BPIFB4: variants seen among roughly 807,000 people sequenced by gnomAD.
The protein encoded by BPIFB4 is BPI fold-containing family B member 4.
Under a neutral mutation model 69.2 loss-of-function variants are expected in BPIFB4, and 62 were observed. That is an observed-to-expected ratio of 0.90 (90% CI 0.73 to 1.11). BPIFB4 has a LOEUF of 1.11. Among genes scored for constraint, BPIFB4 ranks in the 50% least tolerant of loss-of-function variants. The pLI is 0.00. For missense variants in BPIFB4, 789 were observed against 792.0 expected (o/e 1.00, Z 0.04); for synonymous variants, 330 against 332.7 (o/e 0.99, Z 0.09).
intron 13 of BPIFB4, among the ~76,000 whole-genome samples, chr20:33,099,962 T>A (rs549091514): frequency 1.3e-5 from 2 of 152,170 alleles, no homozygotes; most frequent in South Asian, 4.2e-4. Context: ...GCCTTTTATA[T>A]CCTCTCCTGG....
At position 33,091,861 on chromosome 20, in the gene BPIFB4, T is replaced by C. The variant is rs575809749; in HGVS notation, c.1144-597T>C. On this transcript the variant is annotated intron_variant, in intron 10 of 17. Coordinates refer to ENST00000375483, the MANE Select transcript of BPIFB4 (RefSeq NM_182519.3). ...TCAAGGATCCGAGGCTATCAGAGCC[T>C]AAAGCAGGGGGTGTATGATCCACCC... 1.2e-4 allele frequency among the ~76,000 whole-genome samples: 19 copies of C among 152,314 alleles called. 1 individual carries two copies. The South Asian group carries it at 2.1e-3, about 17-fold the overall frequency.
intron 10 of BPIFB4, among the ~76,000 whole-genome samples, chr20:33,092,014 G>T (rs1424956286): frequency 6.6e-6 from 1 of 152,198 alleles, no homozygotes; most frequent in Non-Finnish European, 1.5e-5. Context: ...GGTGGGGGTA[G>T]TGGTGTTGTG....
chr20:33,099,997 C>T (rs1354906704), intron 13 of BPIFB4, among the ~76,000 whole-genome samples: 2 of 152,022 alleles, frequency 1.3e-5, no homozygotes, highest in African/African-American at 2.4e-5. Context: ...TGATTGGCAG[C>T]GGTGATGCCC....
At position 33,086,139 on chromosome 20, in the gene BPIFB4, G is replaced by A. The variant is rs756173199; in HGVS notation, c.901G>A (p.Gly301Ser). 6.2e-7 allele frequency: 1 copy of A among 1,607,992 alleles called. No individual in the cohort carries two copies. Among genetic ancestry groups the A allele is most frequent in the Admixed American group, 1.7e-5 (1 of 59,912 alleles). ...VIERCDTLLG[G>S]IKVKLLRGLL... Reference sequence around the variant, plus strand: ...TGAGCGATGTGACACCCTCCTAGGGGGCATCAAAGTCAAGCTGCTGCGAGG... The same window carrying A: ...TGAGCGATGTGACACCCTCCTAGGGAGCATCAAAGTCAAGCTGCTGCGAGG... The change falls in exon 7 of 18, where the codon GGC becomes AGC. Residue 301 changes from glycine to serine, a missense_variant. This residue lies in a region of BPIFB4 where 611 missense variants were observed against 575.4 expected (regional missense o/e 1.06). Coordinates refer to ENST00000375483, the MANE Select transcript of BPIFB4 (RefSeq NM_182519.3).
chr20:33,082,936 A>G lies in BPIFB4; in HGVS notation c.107-2A>G. On this transcript the variant is annotated splice_acceptor_variant, in intron 3 of 17. Coordinates refer to ENST00000375483, the MANE Select transcript of BPIFB4 (RefSeq NM_182519.3). LOFTEE classifies it high-confidence loss of function. ...TGGACTGATGCCCTTGCCTCTCTGC[A>G]GCCATTTCAGGCATGCTGCAGCAAA... 6.2e-7 allele frequency: 1 copy of G among 1,613,104 alleles called. No individual in the cohort carries two copies. The highest frequency in any genetic ancestry group is 8.5e-7 in the Non-Finnish European group (1 of 1,179,294).
chr20:33,090,658 G>A, intron 9 of BPIFB4, 50 bp from the exon 10 acceptor site: 1 of 1,606,332 alleles, frequency 6.2e-7, no homozygotes, highest in South Asian at 1.1e-5. Context: ...AGGAGGGAAG[G>A]CATCTGGATG....
intron 15 of BPIFB4, 62 bp from the exon 16 acceptor site, chr20:33,104,748 A>G: frequency 6.5e-7 from 1 of 1,527,778 alleles, no homozygotes; most frequent in Non-Finnish European, 9.0e-7. Flanking sequence ...AGCAGACCCA[A>G]GGGGCCCTCT....
chr20:33,091,883 A>C (rs1981610467), intron 10 of BPIFB4, among the ~76,000 whole-genome samples: 1 of 152,224 alleles, frequency 6.6e-6, no homozygotes, highest in Admixed American at 6.5e-5. Flanking sequence ...TGTATGATCC[A>C]CCCAGGGAAG....
intron 7 of BPIFB4, among the ~76,000 whole-genome samples, 171 bp from the exon 8 acceptor site, chr20:33,088,795 G>C (rs1981509626): frequency 6.6e-6 from 1 of 152,214 alleles, no homozygotes; most frequent in African/African-American, 2.4e-5. Flanking sequence ...TGGGTGGCCT[G>C]TCTAGTCAGT....
At position 33,083,010 on chromosome 20, in the gene BPIFB4, G is replaced by T. The variant is rs111680890; in HGVS notation, c.169+10G>T. On this transcript the variant is annotated intron_variant, in intron 4 of 17. Coordinates refer to ENST00000375483, the MANE Select transcript of BPIFB4 (RefSeq NM_182519.3). ...AGAGAGGTGCCCTTGGGTAAAGCCC[G>T]TGGTGATGGTGGTGGGCCTCTCCTG... The T allele has an allele frequency of 6.2e-7, 1 of 1,607,232 alleles. No homozygotes were observed. Among genetic ancestry groups the T allele is most frequent in the African/African-American group, 1.4e-5 (1 of 73,788 alleles).
At position 33,083,592 on chromosome 20, in the gene BPIFB4, G is replaced by A. The variant is rs148145671; in HGVS notation, c.395G>A (p.Gly132Asp). ...CGCAGTGCCGAGAATGCATATGGAG[G>A]CCACAGGGGCCTCGGGCGATACAGG... ...GYRSAENAYGGHRGLGRYRAA... is the reference protein window; with the variant it reads ...GYRSAENAYGDHRGLGRYRAA... The change falls in exon 5 of 18, where the codon GGC (glycine) becomes GAC (aspartate). Residue 132 changes from glycine to aspartate, a missense_variant. Physicochemically the swap from Gly to Asp is moderately conservative, Grantham distance 94. This residue lies in a region of BPIFB4 where 611 missense variants were observed against 575.4 expected (regional missense o/e 1.06). Coordinates refer to ENST00000375483, the MANE Select transcript of BPIFB4 (RefSeq NM_182519.3). The A allele has an allele frequency of 1.9e-4, 308 of 1,614,044 alleles. 1 individual carries two copies. The African/African-American group carries it at 3.7e-3, about 19-fold the overall frequency.
chr20:33,084,895 G>C lies in BPIFB4; in HGVS notation c.681G>C (p.Leu227=). Residue 227 remains leucine, a synonymous_variant, in exon 6 of 18, where the codon CTG becomes CTC. Coordinates refer to ENST00000375483, the MANE Select transcript of BPIFB4 (RefSeq NM_182519.3). ...CACCACTCTGTGTCCCGAGCAGGCT[G>C]CGTATCGTGGAGCTGACCCTCCCTC... is the stretch of plus-strand genomic sequence containing the variant. ...ILSTVQGITG[L]RIVELTLPRV... The C allele has an allele frequency of 6.2e-7, 1 of 1,607,204 alleles. No individual in the cohort carries two copies. The highest frequency in any genetic ancestry group is 1.1e-5 in the South Asian group (1 of 91,006).
chr20:33,093,270 C>T (rs958084133), intron 11 of BPIFB4, among the ~76,000 whole-genome samples: 2 of 151,422 alleles, frequency 1.3e-5, no homozygotes, highest in African/African-American at 4.9e-5. Flanking sequence ...CATTCATCCA[C>T]CCATACATCC....
intron 4 of BPIFB4, 44 bp from the exon 5 acceptor site, chr20:33,083,323 C>G: frequency 6.4e-7 from 1 of 1,573,948 alleles, no homozygotes; most frequent in Non-Finnish European, 8.7e-7. Context: ...TGGGTGGTGG[C>G]CGACACCATT....
intron 6 of BPIFB4, among the ~76,000 whole-genome samples, chr20:33,085,232 A>G (rs184912497): frequency 6.6e-6 from 1 of 152,126 alleles, no homozygotes; most frequent in African/African-American, 2.4e-5. Context: ...AGGCAGGCAG[A>G]TCATCTGAGG....
rs1981329908 is a variant in BPIFB4 at position 33,083,773 on chromosome 20, CG to C, written c.578del (p.Gly193GlufsTer40). 6.2e-7 allele frequency: 1 copy of C among 1,613,634 alleles called. No homozygotes were observed. Among genetic ancestry groups the C allele is most frequent in the Non-Finnish European group, 8.5e-7 (1 of 1,179,894 alleles). On this transcript the variant is annotated frameshift_variant, in exon 5 of 18. Coordinates refer to ENST00000375483, the MANE Select transcript of BPIFB4 (RefSeq NM_182519.3). LOFTEE classifies it high-confidence loss of function. ...ILAGQGGLLG[G>X]GGLLGDGGLL... Reference sequence around the variant, plus strand: ...TCGCAGGCCAAGGTGGCCTGCTCGGCGGAGGTGGTCTCCTTGGTGATGGAGG... The same window carrying C: ...TCGCAGGCCAAGGTGGCCTGCTCGGCGAGGTGGTCTCCTTGGTGATGGAGG...
At chr20:33,080,154 A>G (rs1172907631) in intron 1 of BPIFB4, among the ~76,000 whole-genome samples, 3 of 151,752 alleles carry the variant, frequency 2.0e-5, no homozygotes, top group Non-Finnish European at 4.4e-5. Flanking sequence ...TGCCTCTAAT[A>G]TTCTTCTGGG....
At chr20:33,093,032 C>T (rs544176453) in intron 11 of BPIFB4, among the ~76,000 whole-genome samples, 2 of 152,242 alleles carry the variant, frequency 1.3e-5, no homozygotes, top group South Asian at 4.2e-4. Flanking sequence ...TGACACATAA[C>T]AAAATATCAC....
At chr20:33,085,558 G>C (rs972828772) in intron 6 of BPIFB4, among the ~76,000 whole-genome samples, 1 of 152,208 alleles carries the variant, frequency 6.6e-6, no homozygotes, top group African/African-American at 2.4e-5. Context: ...CAGTCCCCCA[G>C]TGTCACTAAA....
Sources: allele counts gnomAD v4.1 joint callset (sites outside exome capture counted in the v4.1 genomes callset), GRCh38; gene constraint gnomAD v4.1.1; regional missense constraint gnomAD v4.1.1; transcripts MANE v1.5; gene names NCBI Gene and HGNC (gene_info 2026-07-23, HGNC 2026-07-21).